Variants in TNS1 observed in about 807,000 individuals in gnomAD.
The protein encoded by TNS1 is tensin 1.
A neutral mutation model predicts 168.6 loss-of-function variants in TNS1; 62 were observed. The observed-to-expected ratio is 0.37, with a 90% CI of 0.30 to 0.45. The LOEUF (loss-of-function observed/expected upper bound fraction) is 0.45, where lower values mean the gene tolerates loss of function less well. Among genes scored for constraint, TNS1 ranks in the 20% least tolerant of loss-of-function variants. TNS1 has a pLI of 1.00. For missense variants in TNS1, 2,240 were observed against 2,339.4 expected (o/e 0.96, Z 0.88); for synonymous variants, 934 against 933.2 (o/e 1.00, Z -0.02).
At chr2:217,938,168 G>T (rs1453451335) in intron 3 of TNS1, among the ~76,000 whole-genome samples, 1 of 152,174 alleles carries the variant, frequency 6.6e-6, no homozygotes, top group Non-Finnish European at 1.5e-5. Context: ...CCAAAAAAAA[G>T]CTTAATGCCT....
At chr2:217,853,969 A>T (rs1947825921) in intron 18 of TNS1, among the ~76,000 whole-genome samples, 2 of 152,208 alleles carry the variant, frequency 1.3e-5, no homozygotes, top group African/African-American at 4.8e-5. Flanking sequence ...GGGATGTTAA[A>T]GTCACACGGT....
Position 217,813,657 on chromosome 2 carries a change from T to C in TNS1, c.4861+28A>G. On this transcript the variant is annotated intron_variant, in intron 26 of 32. Transcript: ENST00000682258. This position sits in a 1 kb window ranked among gnomAD's most constrained non-coding sequence, Gnocchi z 4.0. Reference sequence around the variant, plus strand: ...AGCGACTGTAAAGCTCACCTGGTCCTGAGCCCCATTCTGGGAGATGAGGTT... The same window carrying C: ...AGCGACTGTAAAGCTCACCTGGTCCCGAGCCCCATTCTGGGAGATGAGGTT... The C allele has an allele frequency of 4.4e-6, 7 of 1,590,446 alleles. No homozygotes were observed. Among genetic ancestry groups the C allele is most frequent in the Non-Finnish European group, 6.0e-6 (7 of 1,167,032 alleles).
intron 18 of TNS1, among the ~76,000 whole-genome samples, chr2:217,870,194 C>G (rs1440808923): frequency 6.6e-6 from 1 of 152,252 alleles, no homozygotes; most frequent in Non-Finnish European, 1.5e-5. Context: ...CCCCAGAAGA[C>G]AGGGCACTTG....
At chr2:217,884,595 TCAA>T (rs1951017558) in intron 16 of TNS1, among the ~76,000 whole-genome samples, 1 of 152,046 alleles carries the variant, frequency 6.6e-6, no homozygotes, top group Non-Finnish European at 1.5e-5. Context: ...GCCTCCCAAC[TCAA>T]CAAGATTTTT....
intron 12 of TNS1, 90 bp downstream of exon 12, chr2:217,890,872 C>T: frequency 1.4e-6 from 2 of 1,398,940 alleles, no homozygotes; most frequent in East Asian, 2.3e-5. Context: ...CTAGGCACAG[C>T]TATCCCATCC....
At chr2:218,008,274 C>T (rs1958677568) in intron 1 of TNS1, among the ~76,000 whole-genome samples, 1 of 152,206 alleles carries the variant, frequency 6.6e-6, no homozygotes, top group African/African-American at 2.4e-5. Context: ...CCCGCAAAGG[C>T]TGGAGGGAGG....
chr2:217,937,642 G>A (rs548284274), intron 3 of TNS1, among the ~76,000 whole-genome samples: 5 of 152,308 alleles, frequency 3.3e-5, no homozygotes, highest in South Asian at 2.1e-4. Flanking sequence ...GTTCCACAGC[G>A]TTGGGACTGG....
intron 19 of TNS1, among the ~76,000 whole-genome samples, chr2:217,844,955 G>A (rs116045969): frequency 2.1e-3 from 318 of 152,314 alleles, no homozygotes; most frequent in Non-Finnish European, 3.5e-3. Flanking sequence ...TGCAAGTGGT[G>A]ATAACAGACA....
At chr2:217,947,034 G>A (rs779651078) in intron 3 of TNS1, among the ~76,000 whole-genome samples, 62 of 140,588 alleles carry the variant, frequency 4.4e-4, no homozygotes, top group Admixed American at 8.6e-4. Flanking sequence ...TCAGCCCCCT[G>A]GCTCCCTCCT....
chr2:217,839,330 T>C (rs549994198), intron 19 of TNS1, among the ~76,000 whole-genome samples: 1 of 152,084 alleles, frequency 6.6e-6, no homozygotes, highest in Non-Finnish European at 1.5e-5. Flanking sequence ...GGCTGCTTCA[T>C]ACACGGGCAT....
Position 217,804,522 on chromosome 2 carries a change from C to T in TNS1, c.5457G>A (p.Gln1819=). 6.2e-7 allele frequency: 1 copy of T among 1,614,154 alleles called. No homozygotes were observed. The highest frequency in any genetic ancestry group is 8.5e-7 in the Non-Finnish European group (1 of 1,180,018). The change falls in exon 33 of 33, where the codon CAG becomes CAA. Residue 1819 remains glutamine (Q), a synonymous_variant. Coordinates refer to ENST00000682258, the MANE Select transcript of TNS1 (RefSeq NM_001387777.1). ...CGAAGTTGACGATGGCAGAGGCCGG[C>T]TGGTTGGGGTCAAGCTCAGCAAAGA... The part of the protein sequence containing the change: ...CHLFAELDPN[Q]PASAIVNFVS...
In TNS1 at chr2:217,881,001, C is replaced by T. The variant is rs745632940; in HGVS notation, c.1326G>A (p.Leu442=). 1.2e-6 allele frequency: 2 copies of T among 1,613,976 alleles called. No homozygotes were observed. Among genetic ancestry groups the T allele is most frequent in the East Asian group, 2.2e-5 (1 of 44,854 alleles). Reference sequence around the variant, plus strand: ...CCACAGACACGCTCGGCCCGTTCTCCAGGTGCTCCATGCCTAAGTGGGATG... The same window carrying T: ...CCACAGACACGCTCGGCCCGTTCTCTAGGTGCTCCATGCCTAAGTGGGATG... The part of the protein sequence containing the change: ...GPEKIQGMEH[L]ENGPSVSVDY... Residue 442 remains leucine, a synonymous_variant, in exon 18 of 33, where the codon CTG becomes CTA. Coordinates refer to ENST00000682258, the MANE Select transcript of TNS1 (RefSeq NM_001387777.1).
intron 7 of TNS1, among the ~76,000 whole-genome samples, chr2:217,899,052 A>G (rs559877980): frequency 6.6e-6 from 1 of 152,318 alleles, no homozygotes; most frequent in South Asian, 2.1e-4. Flanking sequence ...AGCGAAAGGA[A>G]TACCACTGGG....
intron 3 of TNS1, among the ~76,000 whole-genome samples, chr2:217,976,268 A>C (rs1575151713): frequency 6.6e-6 from 1 of 152,196 alleles, no homozygotes; most frequent in East Asian, 1.9e-4. Flanking sequence ...CCGTGGAAGG[A>C]GATTACTAAT....
chr2:217,993,115 A>G (rs1360127686), intron 1 of TNS1, among the ~76,000 whole-genome samples: 1 of 152,198 alleles, frequency 6.6e-6, no homozygotes, highest in Non-Finnish European at 1.5e-5. Flanking sequence ...GCTATAGGCT[A>G]TACCATACAG....
intron 4 of TNS1, 66 bp from the exon 5 acceptor site, chr2:217,907,317 C>A (rs922167725): frequency 2.1e-5 from 15 of 700,248 alleles, no homozygotes; most frequent in Non-Finnish European, 3.9e-5. Context: ...GCTCTCTCCC[C>A]ATGGCTAGTG....
At position 217,849,047 on chromosome 2, in the gene TNS1, C is replaced by A; in HGVS notation, c.1470G>T (p.Leu490=). 6.2e-7 allele frequency: 1 copy of A among 1,613,578 alleles called. No individual in the cohort carries two copies. Among genetic ancestry groups the A allele is most frequent in the Non-Finnish European group, 8.5e-7 (1 of 1,179,854 alleles). Residue 490 remains leucine, a synonymous_variant, in exon 19 of 33, where the codon CTG becomes CTT. Transcript: ENST00000682258. The part of the protein sequence containing the change: ...GHTQGPLDGS[L]YAKVKKKDSL... ...AGTCTTTCTTCTTCACCTTAGCATACAGGCTCCCATCTAGTGGCCCCTGCG... is the reference window on the plus strand; with the variant it reads ...AGTCTTTCTTCTTCACCTTAGCATAAAGGCTCCCATCTAGTGGCCCCTGCG...
At chr2:217,852,486 G>A (rs940636536) in intron 18 of TNS1, among the ~76,000 whole-genome samples, 1 of 152,224 alleles carries the variant, frequency 6.6e-6, no homozygotes, top group Admixed American at 6.5e-5. Flanking sequence ...GGTGTGTCCA[G>A]TGGCTTCCCC....
chr2:217,847,517 C>A lies in TNS1; in HGVS notation c.3000G>T (p.Arg1000Ser). ...PLNLEGLVAH[R>S]VAGVQAREKQ... Reference sequence around the variant, plus strand: ...GGACTGAATACCTCTTACCTGCTACCCTGTGGGCCACCAGCCCTTCTAAAT... The same window carrying A: ...GGACTGAATACCTCTTACCTGCTACACTGTGGGCCACCAGCCCTTCTAAAT... The change falls in exon 19 of 33, where the codon AGG becomes AGT. Residue 1000 changes from arginine to serine, a missense_variant. By Grantham distance (110) the Arg-to-Ser change is moderately radical (BLOSUM62 -1). Around this residue, in one of 2 missense-constraint regions of TNS1, gnomAD observed 2,131 missense variants for 2,171.2 expected, o/e 0.98. Transcript: ENST00000682258. 1 of 1,465,480 alleles carries A rather than the reference C, an allele frequency of 6.8e-7. No individual in the cohort carries two copies. Among genetic ancestry groups the A allele is most frequent in the Non-Finnish European group, 9.1e-7 (1 of 1,101,884 alleles). 90.8% of individuals were successfully genotyped at this position (1,465,480 alleles called of 1,614,324 possible).
Sources: allele counts gnomAD v4.1 joint callset (sites outside exome capture counted in the v4.1 genomes callset), GRCh38; gene constraint gnomAD v4.1.1; regional missense constraint gnomAD v4.1.1; non-coding constraint Gnocchi (gnomAD v3.1); transcripts MANE v1.5; gene names NCBI Gene and HGNC (gene_info 2026-07-23, HGNC 2026-07-21).